TRERF1: variants seen among roughly 807,000 people sequenced by gnomAD.
TRERF1 encodes transcriptional regulating factor 1.
TRERF1 carries 27 observed loss-of-function variants against 122.9 expected under a neutral mutation model. The observed-to-expected ratio is 0.22, with a 90% confidence interval of 0.16 to 0.30. The LOEUF (loss-of-function observed/expected upper bound fraction) is 0.30. Ranked by LOEUF, TRERF1 falls within the 10% of genes least tolerant of loss-of-function variation. TRERF1 has a pLI of 1.00. For missense variants in TRERF1, 1,248 were observed against 1,560.3 expected (o/e 0.80, Z 3.37); for synonymous variants, 636 against 641.7 (o/e 0.99, Z 0.13).
rs1408116579 is a variant in TRERF1 at position 42,275,187 on chromosome 6, T to C, written c.-258-5339A>G. ...AGTGGATTAGTCAATCTCACAGAAT[T>C]CTTATAATACCAACTCAGGATTCAA... is the stretch of plus-strand genomic sequence containing the variant. On this transcript the variant is annotated intron_variant, in intron 4 of 17. Transcript: ENST00000372922. This position sits in a 1 kb window ranked among gnomAD's most constrained non-coding sequence, Gnocchi z 4.1. 6.6e-6 allele frequency among the ~76,000 whole-genome samples: 1 copy of C among 152,252 alleles called. No homozygotes were observed. Among genetic ancestry groups the C allele is most frequent in the Non-Finnish European group, 1.5e-5 (1 of 68,048 alleles).
At chr6:42,254,075 A>G (rs1776299506) in intron 13 of TRERF1, among the ~76,000 whole-genome samples, 1 of 152,200 alleles carries the variant, frequency 6.6e-6, no homozygotes. Context: ...TCTCCGACCT[A>G]TTTCCTTCAC....
chr6:42,283,742 G>A (rs746163887), intron 4 of TRERF1, among the ~76,000 whole-genome samples: 17 of 148,116 alleles, frequency 1.1e-4, no homozygotes, highest in Admixed American at 2.1e-4. Flanking sequence ...TCAGCCTCCC[G>A]AGTAGCTGGG....
intron 2 of TRERF1, among the ~76,000 whole-genome samples, chr6:42,377,024 ACCGG>A (rs1039978496): frequency 6.7e-6 from 1 of 149,908 alleles, no homozygotes; most frequent in African/African-American, 2.5e-5. Flanking sequence ...AGCCACCATG[ACCGG>A]CTAATTTTTG....
At chr6:42,280,999 T>C (rs910560) in intron 4 of TRERF1, among the ~76,000 whole-genome samples, 2,003 of 152,308 alleles carry the variant, frequency 0.013, 17 homozygotes, top group South Asian at 0.03. Flanking sequence ...GCTTTGTATG[T>C]GGACGGTGGG....
chr6:42,420,490 CTTAA>C (rs892274165), intron 2 of TRERF1, among the ~76,000 whole-genome samples: 22 of 152,234 alleles, frequency 1.4e-4, no homozygotes, highest in Middle Eastern at 6.8e-3. Flanking sequence ...AGGAAGAATT[CTTAA>C]TTAGAGTTTT....
intron 14 of TRERF1, among the ~76,000 whole-genome samples, chr6:42,246,162 G>A (rs745322443): frequency 1.7e-4 from 26 of 152,074 alleles, no homozygotes; most frequent in Non-Finnish European, 2.9e-4. Flanking sequence ...CCAGGAACCC[G>A]AGTTCTAGTT....
chr6:42,314,921 AT>A (rs1303594925), intron 3 of TRERF1, among the ~76,000 whole-genome samples: 1 of 152,218 alleles, frequency 6.6e-6, no homozygotes, highest in African/African-American at 2.4e-5. Context: ...GATGGAGCGA[AT>A]AGGTTGGTCG....
At chr6:42,387,114 T>A (rs1776932399) in intron 2 of TRERF1, among the ~76,000 whole-genome samples, 1 of 152,218 alleles carries the variant, frequency 6.6e-6, no homozygotes, top group African/African-American at 2.4e-5. Context: ...TTGGGGGATT[T>A]AAAAAAATTT....
chr6:42,290,430 C>T (rs1784102363), intron 4 of TRERF1, among the ~76,000 whole-genome samples: 1 of 152,166 alleles, frequency 6.6e-6, no homozygotes, highest in African/African-American at 2.4e-5. Context: ...GTGGCCAGCC[C>T]TCCCCAGCAA....
chr6:42,431,897 GA>G (rs1329633128), intron 2 of TRERF1, among the ~76,000 whole-genome samples: 2 of 151,896 alleles, frequency 1.3e-5, no homozygotes, highest in African/African-American at 2.4e-5. Flanking sequence ...CGATGAGAAA[GA>G]AAAAAAGGCC....
At chr6:42,378,513 G>C (rs888858854) in intron 2 of TRERF1, among the ~76,000 whole-genome samples, 6 of 152,128 alleles carry the variant, frequency 3.9e-5, no homozygotes, top group Non-Finnish European at 7.3e-5. Context: ...TCAAAAAGCT[G>C]ATATTCAATC....
rs768898775 is a variant in TRERF1 at position 42,259,549 on chromosome 6, G to A, written c.2059C>T (p.Leu687=). The change falls in exon 9 of 18, where the codon CTG becomes TTG. Residue 687 remains leucine (L), a synonymous_variant. Transcript: ENST00000372922. This position sits in a 1 kb window ranked among gnomAD's most constrained non-coding sequence, Gnocchi z 4.9. ...TCCCCGAGGACGCGCGGGGAGCGCA[G>A]CTGGCTCTGGTACAGGGTGGCGCCC... The A allele has an allele frequency of 2.5e-6, 4 of 1,613,552 alleles. No individual in the cohort carries two copies. In the African/African-American group the frequency reaches 5.3e-5, roughly 22 times the overall value.
rs1562152425 is a variant in TRERF1 at position 42,408,229 on chromosome 6, G to GTATATATACATACACA, written c.-454+42947_-454+42948insTGTGTATGTATATATA. Among the ~76,000 whole-genome samples the GTATATATACATACACA allele has an allele frequency of 6.4e-5, 6 of 93,872 alleles. No individual in the cohort carries two copies. The East Asian group carries it at 9.3e-4, about 15-fold the overall frequency. The allele number at this position is 93,872 out of a possible 152,430, so 61.6% of individuals were successfully genotyped here. On this transcript the variant is annotated intron_variant, in intron 2 of 17. Transcript: ENST00000372922. ...TAAATAAATATATATATATATATAT[G>GTATATATACATACACA]TGTGTGTGTATGTATATATACATAC...
At chr6:42,434,903 G>A (rs978361286) in intron 2 of TRERF1, among the ~76,000 whole-genome samples, 10 of 151,806 alleles carry the variant, frequency 6.6e-5, no homozygotes, top group African/African-American at 9.7e-5. Flanking sequence ...CAAGGCGGGC[G>A]GATCACCTGA....
intron 2 of TRERF1, among the ~76,000 whole-genome samples, chr6:42,396,191 G>A (rs185556383): frequency 2.0e-5 from 3 of 152,260 alleles, no homozygotes; most frequent in African/African-American, 7.2e-5. Flanking sequence ...AGAGGAAACT[G>A]GAAGGAAACT....
At chr6:42,346,918 C>T (rs941331776) in intron 3 of TRERF1, among the ~76,000 whole-genome samples, 4 of 152,200 alleles carry the variant, frequency 2.6e-5, no homozygotes, top group African/African-American at 9.7e-5. Context: ...CTGTGTCCTT[C>T]CTGCTGTCCT....
intron 3 of TRERF1, among the ~76,000 whole-genome samples, chr6:42,343,442 G>A (rs940828594): frequency 3.9e-5 from 6 of 152,086 alleles, no homozygotes; most frequent in Admixed American, 6.6e-5. Context: ...TGGTTTCCAC[G>A]GTGACATGCA....
intron 2 of TRERF1, among the ~76,000 whole-genome samples, chr6:42,419,342 C>T (rs1327045366): frequency 1.3e-5 from 2 of 149,782 alleles, no homozygotes; most frequent in Admixed American, 6.7e-5. Flanking sequence ...AGATCAACCC[C>T]CCTCACAAAC....
Position 42,268,794 on chromosome 6 carries a change from T to C in TRERF1, c.797A>G (p.Gln266Arg). Residue 266 changes from glutamine (Q) to arginine (R), a missense_variant, in exon 5 of 18, where the codon CAG becomes CGG. Transcript: ENST00000372922. The surrounding 1 kb of genome is among the most constrained non-coding windows in gnomAD (Gnocchi z 4.4). ...TTGCTGCGGTGGGTAATACTGGTGC[T>C]GCTGCATCTGTTGCATGTGCTGTGA... The C allele has an allele frequency of 1.2e-6, 2 of 1,614,168 alleles. No individual in the cohort carries two copies. Among genetic ancestry groups the C allele is most frequent in the Non-Finnish European group, 8.5e-7 (1 of 1,180,016 alleles).
Sources: allele counts gnomAD v4.1 joint callset (sites outside exome capture counted in the v4.1 genomes callset), GRCh38; gene constraint gnomAD v4.1.1; non-coding constraint Gnocchi (gnomAD v3.1); transcripts MANE v1.5; gene names NCBI Gene and HGNC (gene_info 2026-07-23, HGNC 2026-07-21).